OPCML: variants seen among roughly 807,000 people sequenced by gnomAD.
OPCML encodes the protein opioid binding protein/cell adhesion molecule like.
Under a neutral mutation model 37.8 loss-of-function variants are expected in OPCML, and 13 were observed. The observed-to-expected ratio is 0.34, with a 90% confidence interval of 0.22 to 0.55. The LOEUF (loss-of-function observed/expected upper bound fraction) is 0.55, where lower values mean the gene tolerates loss of function less well. Among genes scored for constraint, OPCML ranks in the 20% least tolerant of loss-of-function variants. The pLI is 0.91. For synonymous variants in OPCML, 176 were observed against 168.8 expected (o/e 1.04, Z -0.33); for missense variants, 341 against 435.6 (o/e 0.78, Z 1.93).
intron 1 of OPCML, among the ~76,000 whole-genome samples, chr11:133,405,285 G>A (rs751237691): frequency 5.9e-5 from 9 of 152,152 alleles, no homozygotes; most frequent in Non-Finnish European, 7.3e-5. Flanking sequence ...ATTTTGACAG[G>A]GCGTCTGGGC....
At chr11:133,134,656 C>G (rs1207882202) in intron 1 of OPCML, among the ~76,000 whole-genome samples, 1 of 152,188 alleles carries the variant, frequency 6.6e-6, no homozygotes, top group Admixed American at 6.5e-5. Context: ...AGGTCTTGTC[C>G]GCTGTCTTCC....
chr11:133,411,667 G>A (rs1945654804), intron 1 of OPCML, among the ~76,000 whole-genome samples: 1 of 152,142 alleles, frequency 6.6e-6, no homozygotes, highest in Non-Finnish European at 1.5e-5. Flanking sequence ...ACACACATGA[G>A]AGGAGGGGTG....
At chr11:132,673,980 C>A (rs553135516) in intron 2 of OPCML, among the ~76,000 whole-genome samples, 6 of 152,168 alleles carry the variant, frequency 3.9e-5, no homozygotes, top group African/African-American at 1.2e-4. Flanking sequence ...CTGGTTCTAC[C>A]TTTTTCCAAT....
At chr11:133,117,815 C>A (rs960908827) in intron 1 of OPCML, 2 of 984,672 alleles carry the variant, frequency 2.0e-6, no homozygotes, top group Non-Finnish European at 2.4e-6. Flanking sequence ...TAAGCTCTAA[C>A]TCTGGAATAA....
intron 2 of OPCML, among the ~76,000 whole-genome samples, chr11:132,694,435 G>A (rs1237018105): frequency 6.6e-6 from 1 of 151,988 alleles, no homozygotes; most frequent in Admixed American, 6.6e-5. Flanking sequence ...CTGACCTCGT[G>A]ATCTGCCCAT....
chr11:132,749,929 C>A (rs2136065619), intron 2 of OPCML, among the ~76,000 whole-genome samples: 1 of 152,208 alleles, frequency 6.6e-6, no homozygotes, highest in Non-Finnish European at 1.5e-5. Flanking sequence ...CTTGCCCAGG[C>A]TGGAGTGCCA....
chr11:133,301,783 A>C (rs968606788), intron 1 of OPCML: 6 of 152,084 alleles, frequency 3.9e-5, no homozygotes, highest in Non-Finnish European at 8.8e-5. Flanking sequence ...ACAACAACTT[A>C]ATTTGGACAC....
chr11:132,635,147 G>A (rs1348996041), intron 3 of OPCML, among the ~76,000 whole-genome samples: 1 of 152,084 alleles, frequency 6.6e-6, no homozygotes, highest in African/African-American at 2.4e-5. Flanking sequence ...ATTTATGATG[G>A]CCAATTATTT....
chr11:133,160,673 T>C (rs1359420840), intron 1 of OPCML, among the ~76,000 whole-genome samples: 1 of 152,244 alleles, frequency 6.6e-6, no homozygotes, highest in Non-Finnish European at 1.5e-5. Flanking sequence ...TCTGCAACGC[T>C]GCTCTGGTGC....
At chr11:132,735,822 T>C (rs1945238398) in intron 2 of OPCML, among the ~76,000 whole-genome samples, 1 of 152,010 alleles carries the variant, frequency 6.6e-6, no homozygotes. Context: ...TCAGATTGGA[T>C]TGAAAGAAAA....
At chr11:132,555,468 A>G (rs1284584193) in intron 3 of OPCML, among the ~76,000 whole-genome samples, 1 of 152,178 alleles carries the variant, frequency 6.6e-6, no homozygotes, top group Non-Finnish European at 1.5e-5. Flanking sequence ...AACTGCTCCC[A>G]TAATTCAATT....
chr11:133,304,747 G>A (rs1415482686), intron 1 of OPCML, among the ~76,000 whole-genome samples: 1 of 152,144 alleles, frequency 6.6e-6, no homozygotes, highest in Non-Finnish European at 1.5e-5. Flanking sequence ...TGTTGCCATG[G>A]AAAGTAAACA....
In OPCML at chr11:133,140,907, CGAAGAAGAAGAA is replaced by C. The variant is rs573673024; in HGVS notation, c.62-197909_62-197898del. ...ACGACGACGACGAAGACGACGACGA[CGAAGAAGAAGAA>C]GACGACGACGACGAAGAAGAAGAAG... On this transcript the variant is annotated intron_variant, in intron 1 of 7. Transcript: ENST00000524381. Among the ~76,000 whole-genome samples, 4 of 4,844 alleles carry C rather than the reference CGAAGAAGAAGAA, an allele frequency of 8.3e-4. 1 individual carries two copies. Among genetic ancestry groups the C allele is most frequent in the African/African-American group, 1.1e-3 (4 of 3,560 alleles). 3.2% of individuals were successfully genotyped at this position (4,844 alleles called of 152,430 possible). A position where few individuals can be genotyped will look rare whatever the true frequency, so the allele number is the denominator to read the frequency against.
intron 1 of OPCML, among the ~76,000 whole-genome samples, chr11:133,271,090 C>T (rs936352178): frequency 6.6e-6 from 1 of 152,136 alleles, no homozygotes; most frequent in Non-Finnish European, 1.5e-5. Flanking sequence ...GCCAGGAATG[C>T]CTGGATTCAT....
chr11:132,583,838 T>G (rs930927984), intron 3 of OPCML, among the ~76,000 whole-genome samples: 1 of 151,716 alleles, frequency 6.6e-6, no homozygotes, highest in Non-Finnish European at 1.5e-5. Context: ...GGTCTCAAAC[T>G]CCTGACCTCA....
At chr11:133,444,320 G>A (rs1480869088) in intron 1 of OPCML, among the ~76,000 whole-genome samples, 3 of 152,140 alleles carry the variant, frequency 2.0e-5, no homozygotes, top group Admixed American at 6.5e-5. Flanking sequence ...CAAGCTTAAA[G>A]CTATCAGAGT....
intron 1 of OPCML, among the ~76,000 whole-genome samples, chr11:133,362,518 T>G (rs749462700): frequency 6.6e-6 from 1 of 152,302 alleles, no homozygotes; most frequent in Admixed American, 6.5e-5. Context: ...CAAAGAGGAT[T>G]ATTCACTTGG....
chr11:132,944,775 G>A (rs1945708661), intron 1 of OPCML, among the ~76,000 whole-genome samples: 1 of 152,114 alleles, frequency 6.6e-6, no homozygotes, highest in Admixed American at 6.5e-5. Flanking sequence ...CGCTTCCCTT[G>A]GGCCCCTCGG....
intron 1 of OPCML, among the ~76,000 whole-genome samples, chr11:133,105,288 T>C (rs915484146): frequency 1.3e-5 from 2 of 152,358 alleles, no homozygotes; most frequent in South Asian, 2.1e-4. Flanking sequence ...TAAAGTCTTA[T>C]TCAGACTAAG....
Sources: gnomAD v4.1 joint callset for allele counts (sites outside exome capture counted in the v4.1 genomes callset) on GRCh38, gnomAD v4.1.1 for gene constraint, MANE v1.5 for transcripts, NCBI Gene and HGNC (gene_info 2026-07-23, HGNC 2026-07-21) for gene names.